Variants in NRG1 observed in about 807,000 individuals in gnomAD.
NRG1 encodes the protein neuregulin 1.
In NRG1, 18 loss-of-function variants were observed where a neutral mutation model predicts 63.8. The ratio of observed to expected loss-of-function variants is 0.28; its 90% CI spans 0.19 to 0.42. The LOEUF (loss-of-function observed/expected upper bound fraction) is 0.42. NRG1 is among the 10% of genes least tolerant of loss of function. The pLI is 1.00. For missense variants in NRG1, 762 were observed against 814.7 expected (o/e 0.94, Z 0.79); for synonymous variants, 302 against 301.3 (o/e 1.00, Z -0.02).
chr8:32,486,946 C>A (rs1301661205), intron 1 of NRG1, among the ~76,000 whole-genome samples: 1 of 152,072 alleles, frequency 6.6e-6, no homozygotes, highest in East Asian at 1.9e-4. Flanking sequence ...GAACTTAATG[C>A]CAACTCTCAA....
At chr8:31,899,830 C>T (rs1831925785) in intron 1 of NRG1, among the ~76,000 whole-genome samples, 1 of 151,816 alleles carries the variant, frequency 6.6e-6, no homozygotes, top group Non-Finnish European at 1.5e-5. Context: ...GTGAATAGAT[C>T]CAATAAAAAT....
intron 1 of NRG1, among the ~76,000 whole-genome samples, chr8:32,337,909 A>G (rs540954988): frequency 1.3e-5 from 2 of 152,132 alleles, no homozygotes; most frequent in Non-Finnish European, 2.9e-5. Flanking sequence ...GGGTCACAGA[A>G]CTAGTTATTG....
At chr8:32,152,774 A>G (rs1311928225) in intron 1 of NRG1, among the ~76,000 whole-genome samples, 1 of 152,140 alleles carries the variant, frequency 6.6e-6, no homozygotes, top group Admixed American at 6.5e-5. Flanking sequence ...TTGCTCATCC[A>G]CTTTCAAGTC....
chr8:31,833,838 C>A (rs116706626), intron 1 of NRG1, among the ~76,000 whole-genome samples: 1,992 of 152,162 alleles, frequency 0.013, 48 homozygotes, highest in African/African-American at 0.046. Flanking sequence ...TGGGTTAATT[C>A]TATTGGGAAA....
chr8:31,759,227 A>T (rs755592214), intron 1 of NRG1, among the ~76,000 whole-genome samples: 1 of 152,134 alleles, frequency 6.6e-6, no homozygotes, highest in Non-Finnish European at 1.5e-5. Context: ...TTTTGAAGAG[A>T]ATAATTTTAA....
intron 5 of NRG1, among the ~76,000 whole-genome samples, chr8:32,680,928 G>C (rs907530067): frequency 1.3e-5 from 2 of 151,920 alleles, no homozygotes; most frequent in Non-Finnish European, 2.9e-5. Context: ...ATACCATCCT[G>C]TTTTACTGAT....
intron 1 of NRG1, among the ~76,000 whole-genome samples, chr8:32,065,619 T>G (rs1041465763): frequency 6.6e-6 from 1 of 152,246 alleles, no homozygotes; most frequent in African/African-American, 2.4e-5. Context: ...AAGTCTTTGC[T>G]ATTGTGAATA....
intron 1 of NRG1, among the ~76,000 whole-genome samples, chr8:32,280,704 T>G (rs1477296728): frequency 3.5e-4 from 50 of 144,432 alleles, no homozygotes; most frequent in African/African-American, 6.6e-4. Context: ...TTTTTTTTTT[T>G]TTTTTTTTTT....
At chr8:31,807,357 T>G (rs1378623375) in intron 1 of NRG1, among the ~76,000 whole-genome samples, 1 of 152,164 alleles carries the variant, frequency 6.6e-6, no homozygotes, top group Non-Finnish European at 1.5e-5. Flanking sequence ...CACATTTTAT[T>G]GTATGTCTTC....
At chr8:31,819,405 A>G (rs767954683) in intron 1 of NRG1, among the ~76,000 whole-genome samples, 3 of 152,234 alleles carry the variant, frequency 2.0e-5, no homozygotes, top group Non-Finnish European at 2.9e-5. Flanking sequence ...AGGTTGGTCT[A>G]TACATCTAAT....
At chr8:31,642,446 C>T (rs1803888668) in intron 1 of NRG1, among the ~76,000 whole-genome samples, 1 of 152,070 alleles carries the variant, frequency 6.6e-6, no homozygotes. Flanking sequence ...GTTAGTTATA[C>T]CTTTTAACTA....
chr8:32,487,254 C>G (rs941484188), intron 1 of NRG1, among the ~76,000 whole-genome samples: 1 of 151,976 alleles, frequency 6.6e-6, no homozygotes, highest in Admixed American at 6.6e-5. Context: ...AAAACGAGTT[C>G]TGACTAAAAG....
intron 1 of NRG1, among the ~76,000 whole-genome samples, chr8:32,481,153 G>A (rs1339132695): frequency 6.6e-6 from 1 of 152,020 alleles, no homozygotes; most frequent in Admixed American, 6.6e-5. Flanking sequence ...AGAGCAGCCT[G>A]GGCAACATGA....
intron 5 of NRG1, among the ~76,000 whole-genome samples, chr8:32,665,041 A>C (rs192581623): frequency 2.0e-4 from 31 of 152,268 alleles, no homozygotes; most frequent in Non-Finnish European, 3.1e-4. Context: ...AATTGATAGA[A>C]TACAGAACTT....
intron 1 of NRG1, among the ~76,000 whole-genome samples, chr8:31,649,097 T>A (rs936806008): frequency 6.6e-6 from 1 of 151,818 alleles, no homozygotes; most frequent in Non-Finnish European, 1.5e-5. Flanking sequence ...TAGCTGGGAG[T>A]ACAGGTGCAT....
At chr8:32,468,721 A>G (rs1823383690) in intron 1 of NRG1, among the ~76,000 whole-genome samples, 1 of 55,800 alleles carries the variant, frequency 1.8e-5, no homozygotes, top group African/African-American at 9.5e-5. Context: ...TTAACATTAC[A>G]GTTTTTTTTT....
intron 1 of NRG1, among the ~76,000 whole-genome samples, chr8:32,251,492 A>G (rs879233326): frequency 1.3e-5 from 2 of 152,118 alleles, no homozygotes; most frequent in Admixed American, 6.6e-5. Flanking sequence ...AGTCTTTGCT[A>G]TTGTGAATAG....
At chr8:31,706,748 A>G (rs894817564) in intron 1 of NRG1, among the ~76,000 whole-genome samples, 2 of 152,340 alleles carry the variant, frequency 1.3e-5, no homozygotes, top group East Asian at 1.9e-4. Context: ...GATAAATACA[A>G]AATAATACAT....
At chr8:32,674,653 C>T (rs974041013) in intron 5 of NRG1, among the ~76,000 whole-genome samples, 3 of 152,172 alleles carry the variant, frequency 2.0e-5, no homozygotes, top group African/African-American at 7.2e-5. Flanking sequence ...GAACGGAATG[C>T]TGAATGCATG....
Sources: gnomAD v4.1 joint callset for allele counts (sites outside exome capture counted in the v4.1 genomes callset) on GRCh38, gnomAD v4.1.1 for gene constraint, MANE v1.5 for transcripts, NCBI Gene and HGNC (gene_info 2026-07-23, HGNC 2026-07-21) for gene names.